Variants in TMEM132D observed in about 807,000 individuals in gnomAD.
The protein encoded by TMEM132D is transmembrane protein 132D.
A neutral mutation model predicts 62.3 loss-of-function variants in TMEM132D; 21 were observed. That is an observed-to-expected ratio of 0.34 (90% CI 0.24 to 0.49). TMEM132D has a LOEUF of 0.49. Ranked by LOEUF, TMEM132D falls within the 20% of genes least tolerant of loss-of-function variation. The pLI, the probability that TMEM132D is intolerant of heterozygous loss-of-function variation, is 0.99. For missense variants in TMEM132D, 1,346 were observed against 1,402.8 expected, an observed-to-expected ratio of 0.96 and a Z score of 0.65; for synonymous variants, 621 against 575.6, an observed-to-expected ratio of 1.08 and a Z score of -1.13.
intron 1 of TMEM132D, among the ~76,000 whole-genome samples, chr12:129,728,877 A>G (rs1315552650): frequency 1.3e-5 from 2 of 152,058 alleles, no homozygotes; most frequent in Non-Finnish European, 2.9e-5. Context: ...CTTTTTCACA[A>G]TGTCCTCATT....
chr12:129,175,533 T>G (rs559070955), intron 5 of TMEM132D, among the ~76,000 whole-genome samples: 2 of 152,266 alleles, frequency 1.3e-5, no homozygotes, highest in Non-Finnish European at 2.9e-5. Context: ...AAAGGCCCCA[T>G]CTCTACTAAA....
At chr12:129,232,841 G>GAC (rs1879680608) in intron 4 of TMEM132D, among the ~76,000 whole-genome samples, 2 of 152,128 alleles carry the variant, frequency 1.3e-5, no homozygotes, top group Non-Finnish European at 2.9e-5. Flanking sequence ...GAGAGAGAGA[G>GAC]AGAGAGAGCA....
intron 2 of TMEM132D, among the ~76,000 whole-genome samples, chr12:129,532,526 T>C (rs1349911154): frequency 6.6e-6 from 1 of 152,170 alleles, no homozygotes; most frequent in Non-Finnish European, 1.5e-5. Context: ...ATGGAAACAA[T>C]TTTAAAATGT....
intron 4 of TMEM132D, among the ~76,000 whole-genome samples, chr12:129,215,031 T>C (rs1756816986): frequency 6.6e-6 from 1 of 152,166 alleles, no homozygotes; most frequent in African/African-American, 2.4e-5. Flanking sequence ...GCAGCAGTAT[T>C]CACAATAGCA....
intron 4 of TMEM132D, among the ~76,000 whole-genome samples, chr12:129,286,701 A>C (rs1247158863): frequency 6.6e-6 from 1 of 152,162 alleles, no homozygotes; most frequent in Admixed American, 6.5e-5. Context: ...ATTAAGAGCA[A>C]ATGTGTGATC....
At chr12:129,304,662 CTTTTTTTTTT>C (rs35812965) in intron 4 of TMEM132D, among the ~76,000 whole-genome samples, 8 of 93,642 alleles carry the variant, frequency 8.5e-5, no homozygotes, top group South Asian at 4.2e-4. Flanking sequence ...ATACTTGGAT[CTTTTTTTTTT>C]TTTTTTTTTT....
At chr12:129,498,198 TGAA>T (rs1185386312) in intron 3 of TMEM132D, among the ~76,000 whole-genome samples, 1 of 152,082 alleles carries the variant, frequency 6.6e-6, no homozygotes, top group African/African-American at 2.4e-5. Flanking sequence ...ACTGTCAGAA[TGAA>T]GAACTGCAGG....
chr12:129,694,546 G>A (rs953687416), intron 2 of TMEM132D, among the ~76,000 whole-genome samples: 2 of 152,230 alleles, frequency 1.3e-5, no homozygotes, highest in African/African-American at 4.8e-5. Context: ...GTATGCGCCT[G>A]TAACAGTGGC....
chr12:129,697,093 G>A lies in TMEM132D; in HGVS notation c.968+2717C>T, dbSNP rs949052482. 3.9e-5 allele frequency among the ~76,000 whole-genome samples: 6 copies of A among 152,174 alleles called. No homozygotes were observed. The South Asian group carries it at 1.0e-3, about 26-fold the overall frequency. ...CCCCTGAGATCACAGGCACGCCGCC[G>A]GGGAGGTGTACAGTGGGTGGTCAGT... On this transcript the variant is annotated intron_variant, in intron 2 of 8. Transcript: ENST00000422113.
At chr12:129,199,969 G>A (rs1878656331) in intron 5 of TMEM132D, among the ~76,000 whole-genome samples, 1 of 152,128 alleles carries the variant, frequency 6.6e-6, no homozygotes, top group African/African-American at 2.4e-5. Flanking sequence ...CCTAACGTTA[G>A]GAAGTCAACT....
intron 3 of TMEM132D, among the ~76,000 whole-genome samples, chr12:129,516,469 C>T (rs1001012060): frequency 5.9e-5 from 9 of 152,170 alleles, no homozygotes; most frequent in East Asian, 1.9e-4. Context: ...AGGTGAAAGG[C>T]ACATCTTACA....
rs184915591 is a variant in TMEM132D at position 129,426,478 on chromosome 12, T to C, written c.1116-88661A>G. The stretch of plus-strand genomic sequence containing the variant: ...GGATAGCAGAGTTTGGGGAAAGCAA[T>C]TGGCAGTGGTTGCCACACTGATGTC... On this transcript the variant is annotated intron_variant, in intron 3 of 8. Coordinates refer to ENST00000422113, the MANE Select transcript of TMEM132D (RefSeq NM_133448.3). Among the ~76,000 whole-genome samples, 8 of 152,260 alleles carry C rather than the reference T, an allele frequency of 5.3e-5. No individual in the cohort carries two copies. In the East Asian group the frequency reaches 1.4e-3, roughly 26 times the overall value.
chr12:129,223,996 C>T (rs747475907), intron 4 of TMEM132D, among the ~76,000 whole-genome samples: 46 of 152,128 alleles, frequency 3.0e-4, no homozygotes, highest in Non-Finnish European at 1.2e-4. Context: ...GCATCTCTGG[C>T]CTCCACCCAC....
At chr12:129,292,938 A>G (rs1393036464) in intron 4 of TMEM132D, among the ~76,000 whole-genome samples, 1 of 152,166 alleles carries the variant, frequency 6.6e-6, no homozygotes, top group Non-Finnish European at 1.5e-5. Context: ...TCCTCAAACT[A>G]AAAGGGAGGG....
chr12:129,899,406 C>CATGG lies in TMEM132D; in HGVS notation c.79+3851_79+3854dup, dbSNP rs373344068. ...TGGATGGGTGGATAATGGATGGATGCATGGATGGATGGATGGATGGATGGA... is the reference window on the plus strand; with the variant it reads ...TGGATGGGTGGATAATGGATGGATGCATGGATGGATGGATGGATGGATGGATGGA... On this transcript the variant is annotated intron_variant, in intron 1 of 8. Coordinates refer to ENST00000422113, the MANE Select transcript of TMEM132D (RefSeq NM_133448.3). 8.0e-3 allele frequency among the ~76,000 whole-genome samples: 819 copies of CATGG among 102,704 alleles called. 48 individuals carry two copies. The highest frequency in any genetic ancestry group is 0.056 in the South Asian group (186 of 3,350). The allele number at this position is 102,704 out of a possible 152,430, so 67.4% of individuals were successfully genotyped here. A position where few individuals can be genotyped will look rare whatever the true frequency, so the allele number is the denominator to read the frequency against.
chr12:129,176,745 G>C (rs1352179), intron 5 of TMEM132D, among the ~76,000 whole-genome samples: 1 of 152,308 alleles, frequency 6.6e-6, no homozygotes, highest in Non-Finnish European at 1.5e-5. Context: ...GCCAACGAGA[G>C]CAGGCTGGGC....
At chr12:129,775,290 G>A (rs532282427) in intron 1 of TMEM132D, among the ~76,000 whole-genome samples, 36 of 152,252 alleles carry the variant, frequency 2.4e-4, no homozygotes, top group African/African-American at 8.7e-4. Flanking sequence ...GGATGTCAAT[G>A]AGGACACCGT....
In TMEM132D at chr12:129,716,229, GA is replaced by G. The variant is rs368091137; in HGVS notation, c.80-15532del. Among the ~76,000 whole-genome samples the G allele has an allele frequency of 1.1e-3, 168 of 152,280 alleles. 2 individuals are homozygous for G. The highest frequency in any genetic ancestry group is 3.8e-3 in the African/African-American group (160 of 41,560). Reference sequence around the variant, plus strand: ...TAAAGAGATGAAACTTGGACAGAAGGAAAACAATGCCGCCTGGGAAATGGCC... The same window carrying G: ...TAAAGAGATGAAACTTGGACAGAAGGAAACAATGCCGCCTGGGAAATGGCC... On this transcript the variant is annotated intron_variant, in intron 1 of 8. Transcript: ENST00000422113.
intron 5 of TMEM132D, among the ~76,000 whole-genome samples, chr12:129,137,979 A>T (rs185502172): frequency 9.2e-5 from 14 of 152,292 alleles, no homozygotes; most frequent in Admixed American, 2.6e-4. Flanking sequence ...AGGCTTAAAC[A>T]CAAATAAAGC....
Sources: allele counts gnomAD v4.1 joint callset (sites outside exome capture counted in the v4.1 genomes callset), GRCh38; gene constraint gnomAD v4.1.1; transcripts MANE v1.5; gene names NCBI Gene and HGNC (gene_info 2026-07-23, HGNC 2026-07-21).